Variants in FMN1 observed in about 807,000 individuals in gnomAD.
FMN1 encodes formin 1.
Under a neutral mutation model 132.4 loss-of-function variants are expected in FMN1, and 110 were observed. The ratio of observed to expected loss-of-function variants is 0.83; its 90% CI spans 0.71 to 0.97. The LOEUF is 0.97. Among genes scored for constraint, FMN1 ranks in the 50% least tolerant of loss-of-function variants. The probability of loss-of-function intolerance (pLI) is 0.00; values close to 1 mark genes in which losing one functional copy is unlikely to be tolerated. For missense variants in FMN1, 1,792 were observed against 1,705.3 expected (o/e 1.05, Z -0.90); for synonymous variants, 722 against 651.7 (o/e 1.11, Z -1.64).
chr15:33,154,050 C>G lies in FMN1; in HGVS notation c.865G>C (p.Glu289Gln). The G allele has an allele frequency of 1.3e-6, 2 of 1,536,120 alleles. No homozygotes were observed. The highest frequency in any genetic ancestry group is 1.7e-6 in the Non-Finnish European group (2 of 1,146,842). The change falls in exon 4 of 21, where the codon GAG (glutamate) becomes CAG (glutamine). Residue 289 changes from glutamate to glutamine, a missense_variant. This residue lies in a region of FMN1 where 638 missense variants were observed against 645.2 expected (regional missense o/e 0.99). Coordinates refer to ENST00000616417, the MANE Select transcript of FMN1 (RefSeq NM_001277313.2). ...DGIRRPPSGLEHQQTGLSESH... is the reference protein window; with the variant it reads ...DGIRRPPSGLQHQQTGLSESH... ...TCAGACAAACCTGTTTGCTGATGCT[C>G]CAGCCCGCTCGGCGGCCTCCGAATG...
At chr15:33,173,683 C>T (rs537648535) in intron 3 of FMN1, among the ~76,000 whole-genome samples, 32 of 152,376 alleles carry the variant, frequency 2.1e-4, no homozygotes, top group African/African-American at 7.2e-4. Flanking sequence ...AATCCCAGCA[C>T]ATTGGGAGGC....
intron 11 of FMN1, 42 bp from the exon 12 acceptor site, chr15:32,908,620 AAAAG>A: frequency 5.0e-6 from 6 of 1,192,610 alleles, no homozygotes; most frequent in Non-Finnish European, 7.2e-6. Context: ...AAAAAAAAAA[AAAAG>A]GGAAGTGAGA....
intron 3 of FMN1, among the ~76,000 whole-genome samples, chr15:33,157,478 C>G (rs1964719474): frequency 6.6e-6 from 1 of 152,094 alleles, no homozygotes; most frequent in South Asian, 2.1e-4. Flanking sequence ...AGGAATTTGT[C>G]TAAGGGAATA....
rs1332264606 is a variant in FMN1, at chr15:33,150,568, T to C, written c.1867+2480A>G. 4.7e-5 allele frequency: 46 copies of C among 985,328 alleles called. 1 individual carries two copies. The highest frequency in any genetic ancestry group is 5.4e-5 in the Non-Finnish European group (45 of 829,944). The allele number at this position is 985,328 out of a possible 1,614,324, so 61.0% of individuals were successfully genotyped here. ...TCTGTGACATCCTTATGCTACATCC[T>C]GCATGAATGGTAATGTCAGCTTTAA... On this transcript the variant is annotated intron_variant, in intron 4 of 20. Transcript: ENST00000616417.
At chr15:32,911,279 G>A (rs1163072867) in intron 10 of FMN1, among the ~76,000 whole-genome samples, 1 of 152,192 alleles carries the variant, frequency 6.6e-6, no homozygotes, top group East Asian at 1.9e-4. Context: ...CTATCGAAGT[G>A]TTTGAAATAA....
At chr15:32,899,627 T>C (rs993059109) in intron 14 of FMN1, among the ~76,000 whole-genome samples, 3 of 152,184 alleles carry the variant, frequency 2.0e-5, no homozygotes, top group East Asian at 1.9e-4. Flanking sequence ...AAACTACTAG[T>C]AGCCAACACT....
chr15:33,158,618 G>T (rs1280223181), intron 3 of FMN1, among the ~76,000 whole-genome samples: 1 of 152,110 alleles, frequency 6.6e-6, no homozygotes, highest in Non-Finnish European at 1.5e-5. Flanking sequence ...TTTGTTCTGG[G>T]CCCTGGGAAG....
At position 33,091,186 on chromosome 15, in the gene FMN1, G is replaced by A. The variant is rs142477823; in HGVS notation, c.1868-2212C>T. Among the ~76,000 whole-genome samples the A allele has an allele frequency of 4.2e-3, 646 of 152,282 alleles. 4 individuals carry two copies. The highest frequency in any genetic ancestry group is 0.015 in the African/African-American group (612 of 41,538). On this transcript the variant is annotated intron_variant, in intron 4 of 20. Coordinates refer to ENST00000616417, the MANE Select transcript of FMN1 (RefSeq NM_001277313.2). ...GAGGTAAGACATTTGTATCATCAGA[G>A]GCACATTGTCTGGTGAGTGTAAGTT...
At chr15:32,834,678 C>T (rs905042002) in intron 17 of FMN1, among the ~76,000 whole-genome samples, 16 of 152,168 alleles carry the variant, frequency 1.1e-4, no homozygotes, top group East Asian at 7.7e-4. Context: ...AGCAATTTTT[C>T]CCTAAGACAA....
intron 6 of FMN1, among the ~76,000 whole-genome samples, chr15:33,009,468 C>T (rs187723059): frequency 2.0e-5 from 3 of 152,314 alleles, no homozygotes; most frequent in African/African-American, 7.2e-5. Flanking sequence ...CCTATCATTT[C>T]ATACCACTCC....
chr15:32,916,884 G>C (rs1447057544), intron 10 of FMN1, among the ~76,000 whole-genome samples: 1 of 152,162 alleles, frequency 6.6e-6, no homozygotes, highest in East Asian at 1.9e-4. Flanking sequence ...AAGAGAAAGA[G>C]AACAGAGCAG....
chr15:32,922,028 CCT>C (rs757224607), intron 10 of FMN1, among the ~76,000 whole-genome samples: 28 of 152,266 alleles, frequency 1.8e-4, no homozygotes, highest in Non-Finnish European at 3.1e-4. Context: ...ACTATTTCAT[CCT>C]CTCAGACTTA....
At chr15:32,784,114 T>C (rs977207922) in intron 19 of FMN1, among the ~76,000 whole-genome samples, 3 of 152,146 alleles carry the variant, frequency 2.0e-5, no homozygotes, top group Non-Finnish European at 4.4e-5. Flanking sequence ...AAATGAGATA[T>C]GGAGGAAATG....
chr15:32,955,550 C>G (rs964594344), intron 9 of FMN1, among the ~76,000 whole-genome samples: 1 of 152,278 alleles, frequency 6.6e-6, no homozygotes, highest in Admixed American at 6.5e-5. Flanking sequence ...CTAGCTCCAA[C>G]CCCGTAACAG....
chr15:33,076,757 A>C (rs1367004866), intron 5 of FMN1, among the ~76,000 whole-genome samples: 1 of 152,216 alleles, frequency 6.6e-6, no homozygotes, highest in South Asian at 2.1e-4. Context: ...ATGACAATAA[A>C]TAAAAAAAAC....
At chr15:33,096,028 T>A (rs1416257101) in intron 4 of FMN1, among the ~76,000 whole-genome samples, 1 of 151,538 alleles carries the variant, frequency 6.6e-6, no homozygotes. Context: ...GCACATTTAC[T>A]ATTAAATGTG....
intron 16 of FMN1, among the ~76,000 whole-genome samples, chr15:32,881,585 C>G (rs554337009): frequency 5.9e-4 from 90 of 152,234 alleles, no homozygotes; most frequent in African/African-American, 2.0e-3. Context: ...TTACTAGAAC[C>G]ATATTGTTGT....
At chr15:32,794,254 G>A (rs985698195) in intron 19 of FMN1, among the ~76,000 whole-genome samples, 3 of 152,168 alleles carry the variant, frequency 2.0e-5, no homozygotes, top group Admixed American at 1.3e-4. Flanking sequence ...AGCTATGTGT[G>A]TAGTGAAATT....
chr15:32,921,190 T>C (rs2060812779), intron 10 of FMN1, among the ~76,000 whole-genome samples: 2 of 152,014 alleles, frequency 1.3e-5, no homozygotes, highest in African/African-American at 4.8e-5. Context: ...TCCTAGGAGG[T>C]GACATTTAAG....
Sources: allele counts gnomAD v4.1 joint callset (sites outside exome capture counted in the v4.1 genomes callset), GRCh38; gene constraint gnomAD v4.1.1; regional missense constraint gnomAD v4.1.1; transcripts MANE v1.5; gene names NCBI Gene and HGNC (gene_info 2026-07-23, HGNC 2026-07-21).